Variants in ENPEP observed in about 807,000 individuals in gnomAD.
ENPEP encodes the protein glutamyl aminopeptidase, also known as AP-A.
A neutral mutation model predicts 114.5 loss-of-function variants in ENPEP; 103 were observed. The observed-to-expected ratio is 0.90, with a 90% confidence interval of 0.77 to 1.06. The LOEUF (loss-of-function observed/expected upper bound fraction) is 1.06. ENPEP is among the 50% of genes least tolerant of loss of function. The pLI, the probability that ENPEP is intolerant of heterozygous loss-of-function variation, is 0.00. For missense variants in ENPEP, 1,196 were observed against 1,161.3 expected, an observed-to-expected ratio of 1.03 and a Z score of -0.43; for synonymous variants, 420 against 422.0, an observed-to-expected ratio of 1.00 and a Z score of 0.06.
At chr4:110,536,043 G>A (rs1303309948) in intron 11 of ENPEP, among the ~76,000 whole-genome samples, 1 of 145,208 alleles carries the variant, frequency 6.9e-6, no homozygotes, top group African/African-American at 2.5e-5. Context: ...GGAGGCGGAG[G>A]TTGTAGTGAG....
At chr4:110,481,312 C>CTCATGAGT in intron 1 of ENPEP, among the ~76,000 whole-genome samples, 1 of 151,536 alleles carries the variant, frequency 6.6e-6, no homozygotes, top group African/African-American at 2.4e-5. Context: ...CTGGCTTGAA[C>CTCATGAGT]TCATGAGTTC....
intron 19 of ENPEP, 39 bp downstream of exon 19, chr4:110,559,764 G>A (rs6533525): frequency 0.084 from 128,608 of 1,537,230 alleles, 6,069 homozygotes; most frequent in South Asian, 0.14. Context: ...CCAAGAAGGA[G>A]CAGAATGAAA....
chr4:110,548,898 T>A (rs921719871), intron 14 of ENPEP, among the ~76,000 whole-genome samples: 5 of 152,096 alleles, frequency 3.3e-5, no homozygotes, highest in Admixed American at 3.3e-4. Flanking sequence ...TTGTGAGTCT[T>A]AATTTCCTTT....
chr4:110,535,510 C>G (rs541795168), intron 11 of ENPEP, among the ~76,000 whole-genome samples: 1 of 152,152 alleles, frequency 6.6e-6, no homozygotes, highest in Non-Finnish European at 1.5e-5. Context: ...TTTAGAAACT[C>G]AATTTGTCAG....
intron 7 of ENPEP, among the ~76,000 whole-genome samples, chr4:110,514,926 T>C (rs1451259042): frequency 6.6e-6 from 1 of 152,144 alleles, no homozygotes; most frequent in Admixed American, 6.5e-5. Flanking sequence ...GACCAGATAA[T>C]TCCTTGACTA....
chr4:110,512,061 G>A (rs13134674), intron 6 of ENPEP, among the ~76,000 whole-genome samples: 46,155 of 152,032 alleles, frequency 0.3, 7,279 homozygotes, highest in Non-Finnish European at 0.33. Context: ...ACCGAGCCCA[G>A]CCCATTCATT....
At position 110,562,690 on chromosome 4, in the gene ENPEP, C is replaced by T. The variant is rs1455496356; in HGVS notation, c.*1132C>T. On this transcript the variant is annotated 3_prime_UTR_variant, in exon 20 of 20. Transcript: ENST00000265162. ...ATGACTTGATTAAAGACATCAATTT[C>T]ATAGAAGCTGGTGGCAAGAATATGT... is the stretch of plus-strand genomic sequence containing the variant. 1 of 152,100 alleles carries T rather than the reference C, an allele frequency of 6.6e-6. No homozygotes were observed. Among genetic ancestry groups the T allele is most frequent in the Admixed American group, 6.6e-5 (1 of 15,266 alleles). 9.4% of individuals were successfully genotyped at this position (152,100 alleles called of 1,614,324 possible).
At chr4:110,518,399 T>G (rs1344194161) in intron 8 of ENPEP, among the ~76,000 whole-genome samples, 2 of 152,202 alleles carry the variant, frequency 1.3e-5, no homozygotes, top group Middle Eastern at 3.2e-3. Context: ...TTCGTTTCCT[T>G]TTGTGCTCAC....
chr4:110,498,515 G>A lies in ENPEP; in HGVS notation c.918+7351G>A, dbSNP rs147180167. Among the ~76,000 whole-genome samples the A allele has an allele frequency of 1.3e-4, 20 of 152,246 alleles. No homozygotes were observed. The East Asian group carries it at 3.1e-3, about 23-fold the overall frequency. On this transcript the variant is annotated intron_variant, in intron 3 of 19. Transcript: ENST00000265162. ...GTTATTAATTAAGCTGGAACAAGAC[G>A]TATAAACAGGTAAGCAACAGATTTA...
Position 110,542,895 on chromosome 4 carries a change from A to G in ENPEP, c.1944+8A>G. The G allele has an allele frequency of 6.2e-7, 1 of 1,611,598 alleles. No homozygotes were observed. Among genetic ancestry groups the G allele is most frequent in the South Asian group, 1.1e-5 (1 of 90,570 alleles). On this transcript the variant is annotated splice_region_variant and intron_variant, in intron 12 of 19. Coordinates refer to ENST00000265162, the MANE Select transcript of ENPEP (RefSeq NM_001977.4). ...CTCTCCTTGAACCACAAGGTAAGAG[A>G]TAGCAATGGTTGGAAACTTTTATTT...
In ENPEP at chr4:110,513,564, A is replaced by G; in HGVS notation, c.1443+15A>G. The G allele has an allele frequency of 1.2e-6, 2 of 1,610,382 alleles. No individual in the cohort carries two copies. Among genetic ancestry groups the G allele is most frequent in the Non-Finnish European group, 1.7e-6 (2 of 1,178,544 alleles). ...CCTATAGCAAGGTGGGAGAAATAGA[A>G]CATTGTTTTGAACATCTTCCTGTTT... On this transcript the variant is annotated intron_variant, in intron 7 of 19. Coordinates refer to ENST00000265162, the MANE Select transcript of ENPEP (RefSeq NM_001977.4).
At chr4:110,485,403 C>T (rs1724465760) in intron 1 of ENPEP, among the ~76,000 whole-genome samples, 1 of 152,112 alleles carries the variant, frequency 6.6e-6, no homozygotes, top group Non-Finnish European at 1.5e-5. Flanking sequence ...TTAGCCTGTA[C>T]CCCTTCCCCT....
chr4:110,561,069 G>A (rs1727659933), intron 19 of ENPEP, among the ~76,000 whole-genome samples: 1 of 152,158 alleles, frequency 6.6e-6, no homozygotes, highest in African/African-American at 2.4e-5. Context: ...CTCCATAGGT[G>A]AGATTTTCCA....
At position 110,520,419 on chromosome 4, in the gene ENPEP, G is replaced by A. The variant is rs530506751; in HGVS notation, c.1727+53G>A. 4.4e-6 allele frequency: 7 copies of A among 1,573,924 alleles called. No homozygotes were observed. The South Asian group carries it at 5.6e-5, about 13-fold the overall frequency. On this transcript the variant is annotated intron_variant, in intron 10 of 19. Coordinates refer to ENST00000265162, the MANE Select transcript of ENPEP (RefSeq NM_001977.4). ...ACACAGAAATTTGGCAGAAATATTGGTAATTTGTTTATATCCTATTGTTGA... is the reference window on the plus strand; with the variant it reads ...ACACAGAAATTTGGCAGAAATATTGATAATTTGTTTATATCCTATTGTTGA...
intron 8 of ENPEP, among the ~76,000 whole-genome samples, chr4:110,516,044 A>C (rs1725756391): frequency 6.6e-6 from 1 of 152,172 alleles, no homozygotes; most frequent in South Asian, 2.1e-4. Flanking sequence ...GCTTATATGA[A>C]TTTCAGGGAA....
Position 110,561,827 on chromosome 4 carries a change from T to G in ENPEP, c.*269T>G. The G allele has an allele frequency of 4.0e-6, 1 of 251,856 alleles. No homozygotes were observed. Among genetic ancestry groups the G allele is most frequent in the Admixed American group, 5.3e-5 (1 of 18,760 alleles). The allele number at this position is 251,856 out of a possible 1,614,324, so 15.6% of individuals were successfully genotyped here. On this transcript the variant is annotated 3_prime_UTR_variant, in exon 20 of 20. Transcript: ENST00000265162. ...CAAACTGAAGATAATGAAATAGTTA[T>G]TTTAATACCTTTAAATATCATTCTT...
At chr4:110,509,319 T>G (rs1217529505) in intron 4 of ENPEP, among the ~76,000 whole-genome samples, 1 of 152,210 alleles carries the variant, frequency 6.6e-6, no homozygotes, top group East Asian at 1.9e-4. Flanking sequence ...AAAACTTCTC[T>G]TTTTCCTCAC....
intron 8 of ENPEP, chr4:110,515,856 T>C (rs776788232): frequency 3.5e-5 from 16 of 455,452 alleles, no homozygotes; most frequent in Middle Eastern, 3.2e-4. Context: ...GGCTTGCAGA[T>C]GGTAGACTTC....
chr4:110,541,828 A>G (rs188189241), intron 11 of ENPEP, among the ~76,000 whole-genome samples: 337 of 152,282 alleles, frequency 2.2e-3, no homozygotes, highest in African/African-American at 7.8e-3. Context: ...TTTAAATTGT[A>G]TATTGTTCAT....
Sources: gnomAD v4.1 joint callset for allele counts (sites outside exome capture counted in the v4.1 genomes callset) on GRCh38, gnomAD v4.1.1 for gene constraint, MANE v1.5 for transcripts, NCBI Gene and HGNC (gene_info 2026-07-23, HGNC 2026-07-21) for gene names.